Variants in ANKRD36 observed in about 807,000 individuals in gnomAD.
The protein encoded by ANKRD36 is ankyrin repeat domain 36.
Under a neutral mutation model 278.1 loss-of-function variants are expected in ANKRD36, and 179 were observed. The observed-to-expected ratio is 0.64, with a 90% CI of 0.57 to 0.73. ANKRD36 has a LOEUF of 0.73. Among genes scored for constraint, ANKRD36 ranks in the 30% least tolerant of loss-of-function variants. The pLI is 0.00. For missense variants in ANKRD36, 1,159 were observed against 1,956.7 expected (o/e 0.59, Z 7.69); for synonymous variants, 320 against 641.1 (o/e 0.50, Z 7.57).
intron 22 of ANKRD36, among the ~76,000 whole-genome samples, chr2:97,170,896 GAACAGACACTT>G (rs2052278884): frequency 1.4e-5 from 2 of 147,838 alleles, no homozygotes; most frequent in Non-Finnish European, 3.0e-5. Context: ...CGAAGGACAT[GAACAGACACTT>G]CTCAAAAGAA....
chr2:97,219,097 A>T lies in ANKRD36; in HGVS notation c.3804+19A>T. ...CTTGAAGGTAATTACTCTTACATTTATATTTTTAATTATTAACTGCATAAC... is the reference window on the plus strand; with the variant it reads ...CTTGAAGGTAATTACTCTTACATTTTTATTTTTAATTATTAACTGCATAAC... On this transcript the variant is annotated intron_variant, in intron 65 of 75. Coordinates refer to ENST00000420699, the MANE Select transcript of ANKRD36 (RefSeq NM_001354587.1). 6.5e-7 allele frequency: 1 copy of T among 1,544,922 alleles called. No homozygotes were observed.
Position 97,187,218 on chromosome 2 carries a change from G to C in ANKRD36, c.2062G>C (p.Ala688Pro), listed in dbSNP as rs748707449. Residue 688 changes from alanine (A) to proline (P), a missense_variant, in exon 31 of 76, where the codon GCC (alanine) becomes CCC (proline). Transcript: ENST00000420699. ...CGTVSSQKQP[A>P]LKATTDEEDS... ...TTCAGTGTCTTCTCAGAAACAACCA[G>C]CCTTGAAGGTAATTAAACTCTCATT... The C allele has an allele frequency of 5.6e-6, 9 of 1,609,752 alleles. No homozygotes were observed. The South Asian group carries it at 9.9e-5, about 18-fold the overall frequency.
intron 5 of ANKRD36, among the ~76,000 whole-genome samples, chr2:97,125,088 AAGG>A (rs1320877353): frequency 1.3e-5 from 2 of 151,456 alleles, no homozygotes; most frequent in Non-Finnish European, 2.9e-5. Context: ...TACAAGTCAG[AAGG>A]AGAAGGGGAA....
rs1236310197 is a variant in ANKRD36 at position 97,191,714 on chromosome 2, G to A, written c.2347+533G>A. On this transcript the variant is annotated intron_variant, in intron 36 of 75. Transcript: ENST00000420699. ...GGGTTTTTCCTGAGGAAACCTGAGT[G>A]AACTCACTTCAGATGCATTTGGAAT... is the stretch of plus-strand genomic sequence containing the variant. Among the ~76,000 whole-genome samples the A allele has an allele frequency of 5.9e-5, 9 of 151,780 alleles. No homozygotes were observed. The South Asian group carries it at 1.9e-3, about 32-fold the overall frequency.
At chr2:97,114,034 C>T in intron 1 of ANKRD36, 98 bp downstream of exon 1, 1 of 1,341,096 alleles carries the variant, frequency 7.5e-7, no homozygotes, top group South Asian at 1.3e-5. Flanking sequence ...TGGTCCGGGG[C>T]TCGGGGTTTG....
At position 97,202,387 on chromosome 2, in the gene ANKRD36, A is replaced by C; in HGVS notation, c.2953A>C (p.Arg985=). 1.3e-6 allele frequency: 2 copies of C among 1,550,154 alleles called. No individual in the cohort carries two copies. The highest frequency in any genetic ancestry group is 1.2e-5 in the South Asian group (1 of 84,210). Residue 985 remains arginine (R), a synonymous_variant, in exon 48 of 76, where the codon AGG becomes CGG. Transcript: ENST00000420699. ...AGAAAACAAGGATGGAGAAAAATCT[A>C]GGACAGGTAATTTTGAAAACAGATT... The part of the protein sequence containing the change: ...ARENKDGEKS[R]TVSSEKPPGL...
At chr2:97,231,122 A>C (rs2071860496) in intron 67 of ANKRD36, among the ~76,000 whole-genome samples, 2 of 152,106 alleles carry the variant, frequency 1.3e-5, no homozygotes, top group South Asian at 4.2e-4. Flanking sequence ...CAGTCTGCCC[A>C]TTCTCAGATC....
intron 20 of ANKRD36, among the ~76,000 whole-genome samples, chr2:97,166,900 A>G (rs1239200071): frequency 6.6e-6 from 1 of 151,422 alleles, no homozygotes; most frequent in African/African-American, 2.5e-5. Flanking sequence ...TTATACTTTA[A>G]GTTTTAGGGT....
chr2:97,173,409 A>G (rs2053232845), intron 22 of ANKRD36, among the ~76,000 whole-genome samples: 3 of 151,820 alleles, frequency 2.0e-5, no homozygotes, highest in African/African-American at 7.2e-5. Flanking sequence ...GATGTGAGTG[A>G]AGAACAGCTG....
intron 18 of ANKRD36, among the ~76,000 whole-genome samples, chr2:97,162,794 A>T (rs1290119847): frequency 6.8e-6 from 1 of 146,590 alleles, no homozygotes; most frequent in Non-Finnish European, 1.5e-5. Context: ...ATATCAAAAC[A>T]TTGGCAGTTT....
intron 26 of ANKRD36, among the ~76,000 whole-genome samples, chr2:97,182,974 C>A (rs1211484800): frequency 6.6e-6 from 1 of 151,628 alleles, no homozygotes; most frequent in Non-Finnish European, 1.5e-5. Flanking sequence ...AGTGTACATT[C>A]TACTAAAGTG....
chr2:97,138,719 T>C (rs1362760340), intron 6 of ANKRD36, among the ~76,000 whole-genome samples: 1 of 152,084 alleles, frequency 6.6e-6, no homozygotes, highest in Non-Finnish European at 1.5e-5. Flanking sequence ...AACAGCATGG[T>C]ACTGGTACCA....
chr2:97,171,029 G>A lies in ANKRD36; in HGVS notation c.1633+3262G>A, dbSNP rs546155547. ...CCATCTCACACCAGTTAGAATGGCAGTCATTAAAAAGTCAGGAAACAACAG... is the reference window on the plus strand; with the variant it reads ...CCATCTCACACCAGTTAGAATGGCAATCATTAAAAAGTCAGGAAACAACAG... On this transcript the variant is annotated intron_variant, in intron 22 of 75. Transcript: ENST00000420699. 2.6e-4 allele frequency among the ~76,000 whole-genome samples: 40 copies of A among 151,140 alleles called. 1 individual carries two copies. The highest frequency in any genetic ancestry group is 7.8e-4 in the East Asian group (4 of 5,156).
chr2:97,196,838 A>G (rs1262620788), intron 42 of ANKRD36, 50 bp downstream of exon 42: 1 of 1,541,324 alleles, frequency 6.5e-7, no homozygotes, highest in Non-Finnish European at 8.7e-7. Flanking sequence ...ATAGATAAGA[A>G]GTTCTCTTCC....
chr2:97,146,233 C>T (rs1253567218), intron 10 of ANKRD36, among the ~76,000 whole-genome samples: 1 of 150,198 alleles, frequency 6.7e-6, no homozygotes, highest in Non-Finnish European at 1.5e-5. Flanking sequence ...TCACAAAGTG[C>T]TGGGATTACA....
intron 22 of ANKRD36, among the ~76,000 whole-genome samples, chr2:97,169,514 A>G (rs1575245274): frequency 1.3e-5 from 2 of 152,422 alleles, no homozygotes; most frequent in African/African-American, 4.8e-5. Flanking sequence ...TGCAGATAAC[A>G]TGATTGTATA....
At chr2:97,260,201 T>G (rs1376350684) in intron 75 of ANKRD36, among the ~76,000 whole-genome samples, 1 of 86,888 alleles carries the variant, frequency 1.2e-5, no homozygotes, top group African/African-American at 5.0e-5. Context: ...CAAAATGTAT[T>G]CTTAAATAAT....
At chr2:97,203,601 A>G (rs978894490) in intron 48 of ANKRD36, among the ~76,000 whole-genome samples, 6 of 151,842 alleles carry the variant, frequency 4.0e-5, no homozygotes, top group Admixed American at 1.3e-4. Flanking sequence ...CTGAATTGTC[A>G]TGGTAATTGT....
At chr2:97,203,284 T>C (rs1434579289) in intron 48 of ANKRD36, among the ~76,000 whole-genome samples, 7 of 151,834 alleles carry the variant, frequency 4.6e-5, no homozygotes, top group Admixed American at 2.0e-4. Context: ...TCAATGGGTA[T>C]TGCAGTGATT....
Sources: allele counts gnomAD v4.1 joint callset (sites outside exome capture counted in the v4.1 genomes callset), GRCh38; gene constraint gnomAD v4.1.1; transcripts MANE v1.5; gene names NCBI Gene and HGNC (gene_info 2026-07-23, HGNC 2026-07-21).